Variants in DICER1 observed in about 807,000 individuals in gnomAD.
DICER1 encodes the protein endoribonuclease Dicer.
DICER1 carries 43 observed loss-of-function variants against 194.1 expected under a neutral mutation model. That is an observed-to-expected ratio of 0.22 (90% confidence interval 0.17 to 0.29). The LOEUF (loss-of-function observed/expected upper bound fraction) is 0.29, where lower values mean the gene tolerates loss of function less well. Ranked by LOEUF, DICER1 falls within the 10% of genes least tolerant of loss-of-function variation. DICER1 has a pLI of 1.00. For synonymous variants in DICER1, 832 were observed against 820.5 expected (o/e 1.01, Z -0.24); for missense variants, 1,608 against 2,317.0 (o/e 0.69, Z 6.28).
chr14:95,137,196 G>A, intron 1 of DICER1, among the ~76,000 whole-genome samples: 1 of 147,920 alleles, frequency 6.8e-6, no homozygotes, highest in East Asian at 2.0e-4. Context: ...AAGGAAAAGG[G>A]GAAGGGGAAA....
In DICER1 at chr14:95,086,991, G is replaced by T. The variant is rs1566738823; in HGVS notation, c.*3507C>A. The T allele has an allele frequency of 4.3e-6, 1 of 233,094 alleles. No individual in the cohort carries two copies. Among genetic ancestry groups the T allele is most frequent in the Admixed American group, 5.6e-5 (1 of 17,794 alleles). The allele number at this position is 233,094 out of a possible 1,614,324, so 14.4% of individuals were successfully genotyped here. On this transcript the variant is annotated 3_prime_UTR_variant, in exon 27 of 27. Transcript: ENST00000343455. ...GTTAAAAAAAGGTATCAAGGTCTCA[G>T]TTTGGTGGCTTCAATCTTGTGTAAA...
chr14:95,131,211 G>C (rs367651463), intron 4 of DICER1, among the ~76,000 whole-genome samples: 2 of 152,136 alleles, frequency 1.3e-5, no homozygotes, highest in African/African-American at 2.4e-5. Context: ...TGTTAGTAGA[G>C]ACAGGGTTTC....
At chr14:95,127,238 A>C (rs1049960228) in intron 6 of DICER1, among the ~76,000 whole-genome samples, 4 of 152,258 alleles carry the variant, frequency 2.6e-5, no homozygotes, top group African/African-American at 9.6e-5. Flanking sequence ...TTTCTAAAAA[A>C]CTCACTACAG....
In DICER1 at chr14:95,105,831, A is replaced by C; in HGVS notation, c.2988-48T>G. 6.5e-7 allele frequency: 1 copy of C among 1,538,066 alleles called. No individual in the cohort carries two copies. The highest frequency in any genetic ancestry group is 9.0e-7 in the Non-Finnish European group (1 of 1,111,576). ...TTATCAAACACACAAAAATGAGTACATATTCACAGTGGTTCTCCAAAAACC... is the reference window on the plus strand; with the variant it reads ...TTATCAAACACACAAAAATGAGTACCTATTCACAGTGGTTCTCCAAAAACC... On this transcript the variant is annotated intron_variant, in intron 18 of 26. Transcript: ENST00000343455. The surrounding 1 kb of genome is among the most constrained non-coding windows in gnomAD (Gnocchi z 4.9).
chr14:95,106,676 GAAA>G (rs1012892634), intron 17 of DICER1, among the ~76,000 whole-genome samples: 1 of 144,866 alleles, frequency 6.9e-6, no homozygotes, highest in Admixed American at 6.9e-5. Flanking sequence ...GGTGCAAAAA[GAAA>G]AAAAAAATCA....
chr14:95,095,294 C>G (rs1890210476), intron 23 of DICER1: 1 of 171,420 alleles, frequency 5.8e-6, no homozygotes, highest in African/African-American at 2.4e-5. Flanking sequence ...AAATACAGAG[C>G]ACAGTGAGAA....
Position 95,105,287 on chromosome 14 carries a change from C to G in DICER1, c.3094-41G>C. The G allele has an allele frequency of 6.5e-7, 1 of 1,549,224 alleles. No individual in the cohort carries two copies. The highest frequency in any genetic ancestry group is 8.9e-7 in the Non-Finnish European group (1 of 1,125,532). ...AAAATGGACAGATAAATACAAAGCG[C>G]ACACACAAAAGAAAAAAAAAAAGAC... On this transcript the variant is annotated intron_variant, in intron 19 of 26. Coordinates refer to ENST00000343455, the MANE Select transcript of DICER1 (RefSeq NM_177438.3). This position sits in a 1 kb window ranked among gnomAD's most constrained non-coding sequence, Gnocchi z 4.9.
intron 8 of DICER1, among the ~76,000 whole-genome samples, chr14:95,119,380 T>G (rs1309196985): frequency 6.6e-6 from 1 of 152,088 alleles, no homozygotes; most frequent in African/African-American, 2.4e-5. Context: ...TTACATGGGA[T>G]ATACCTATGC....
At chr14:95,141,676 T>C (rs548839921) in intron 1 of DICER1, 69 of 152,348 alleles carry the variant, frequency 4.5e-4, no homozygotes, top group African/African-American at 1.5e-3. Context: ...GGCATATACA[T>C]ATTTACCTCA....
chr14:95,152,717 G>C (rs1895592939), intron 1 of DICER1, among the ~76,000 whole-genome samples: 1 of 152,184 alleles, frequency 6.6e-6, no homozygotes, highest in African/African-American at 2.4e-5. Flanking sequence ...GCATGTTAAA[G>C]GAGTACCAAC....
chr14:95,125,924 G>A (rs1893416592), intron 7 of DICER1, among the ~76,000 whole-genome samples: 1 of 152,060 alleles, frequency 6.6e-6, no homozygotes, highest in South Asian at 2.1e-4. Context: ...AAAAATGTGG[G>A]CACTGCTGCT....
intron 2 of DICER1, among the ~76,000 whole-genome samples, chr14:95,133,099 A>G (rs1894095127): frequency 1.3e-5 from 2 of 152,234 alleles, no homozygotes; most frequent in South Asian, 4.1e-4. Context: ...AGAGGGGGAA[A>G]AAAGAAACTT....
Position 95,105,253 on chromosome 14 carries a change from G to A in DICER1, c.3094-7C>T. 1 of 1,611,250 alleles carries A rather than the reference G, an allele frequency of 6.2e-7. No individual in the cohort carries two copies. ...AGAGTTCTGGAACCAGTATCTTCAA[G>A]TAAGGGGAAAAATGGACAGATAAAT... is the stretch of plus-strand genomic sequence containing the variant. On this transcript the variant is annotated splice_polypyrimidine_tract_variant and splice_region_variant and intron_variant, in intron 19 of 26. Coordinates refer to ENST00000343455, the MANE Select transcript of DICER1 (RefSeq NM_177438.3). This position sits in a 1 kb window ranked among gnomAD's most constrained non-coding sequence, Gnocchi z 4.9.
chr14:95,088,344 T>C lies in DICER1; in HGVS notation c.*2154A>G. On this transcript the variant is annotated 3_prime_UTR_variant, in exon 27 of 27. Coordinates refer to ENST00000343455, the MANE Select transcript of DICER1 (RefSeq NM_177438.3). ...AACAATCTGATTTTGGTGCCAGGAA[T>C]CAAGAGAATCCCGTAACACTGGGAT... The C allele has an allele frequency of 4.3e-6, 1 of 232,336 alleles. No homozygotes were observed. 14.4% of individuals were successfully genotyped at this position (232,336 alleles called of 1,614,324 possible). A position where few individuals can be genotyped will look rare whatever the true frequency, so the allele number is the denominator to read the frequency against.
rs2140294868 is a variant in DICER1, at chr14:95,133,300, T to C, written c.144+15A>G. 1 of 1,613,336 alleles carries C rather than the reference T, an allele frequency of 6.2e-7. No homozygotes were observed. Among genetic ancestry groups the C allele is most frequent in the Non-Finnish European group, 8.5e-7 (1 of 1,179,442 alleles). ...TTAGTGTAGAATGCTCCAGTATTAGTGTTCGCATTAGTACCTGATATTTTC... is the reference window on the plus strand; with the variant it reads ...TTAGTGTAGAATGCTCCAGTATTAGCGTTCGCATTAGTACCTGATATTTTC... On this transcript the variant is annotated intron_variant, in intron 2 of 26. Coordinates refer to ENST00000343455, the MANE Select transcript of DICER1 (RefSeq NM_177438.3).
At chr14:95,113,302 T>C (rs1291097108) in intron 11 of DICER1, 78 bp from the exon 12 acceptor site, 2 of 1,370,354 alleles carry the variant, frequency 1.5e-6, no homozygotes, top group South Asian at 1.2e-5. Context: ...GTTTGATTTG[T>C]CATGTGCCTC....
At chr14:95,134,678 C>A (rs1235357592) in intron 1 of DICER1, among the ~76,000 whole-genome samples, 1 of 152,136 alleles carries the variant, frequency 6.6e-6, no homozygotes, top group Non-Finnish European at 1.5e-5. Context: ...ATTCTGTTGA[C>A]AAGAATTCAA....
chr14:95,116,094 TGTTA>T (rs374978588), intron 10 of DICER1, among the ~76,000 whole-genome samples: 12 of 148,190 alleles, frequency 8.1e-5, no homozygotes, highest in Admixed American at 7.0e-4. Context: ...CACACACGAC[TGTTA>T]GTCTTTCTGA....
At chr14:95,117,954 A>G (rs1270682990) in intron 8 of DICER1, among the ~76,000 whole-genome samples, 200 bp from the exon 9 acceptor site, 1 of 152,182 alleles carries the variant, frequency 6.6e-6, no homozygotes, top group African/African-American at 2.4e-5. Flanking sequence ...CCAAGTACTT[A>G]TAACGCCAAA....
Sources: gnomAD v4.1 joint callset for allele counts (sites outside exome capture counted in the v4.1 genomes callset) on GRCh38, gnomAD v4.1.1 for gene constraint, Gnocchi (gnomAD v3.1) non-coding constraint, MANE v1.5 for transcripts, NCBI Gene and HGNC (gene_info 2026-07-23, HGNC 2026-07-21) for gene names.